CLSPN: variants seen among roughly 807,000 people sequenced by gnomAD.
The protein encoded by CLSPN is claspin homolog.
CLSPN carries 85 observed loss-of-function variants against 156.3 expected under a neutral mutation model. That is an observed-to-expected ratio of 0.54 (90% CI 0.46 to 0.65). CLSPN has a LOEUF of 0.65. Among genes scored for constraint, CLSPN ranks in the 30% least tolerant of loss-of-function variants. The pLI is 0.00. For synonymous variants in CLSPN, 534 were observed against 542.4 expected (o/e 0.98, Z 0.22); for missense variants, 1,407 against 1,554.9 (o/e 0.90, Z 1.60).
chr1:35,721,063 T>C, intron 24 of CLSPN: 3 of 945,894 alleles, frequency 3.2e-6, no homozygotes, highest in Non-Finnish European at 4.8e-6. Context: ...CCCTGTTTCC[T>C]GCATCTAAAC....
At position 35,739,448 on chromosome 1, in the gene CLSPN, T is replaced by G. The variant is rs774709431; in HGVS notation, c.3225A>C (p.Glu1075Asp). 1 of 1,614,098 alleles carries G rather than the reference T, an allele frequency of 6.2e-7. No homozygotes were observed. Among genetic ancestry groups the G allele is most frequent in the South Asian group, 1.1e-5 (1 of 91,082 alleles). Residue 1075 changes from glutamate to aspartate, a missense_variant, in exon 19 of 25, where the codon GAA becomes GAC. Around this residue, in one of 3 missense-constraint regions of CLSPN, gnomAD observed 70 missense variants for 121.5 expected, o/e 0.58. Transcript: ENST00000318121. ...TTACGTCCTCTTCATATTCATCAAT[T>G]TCTTCCCCATCATACTCATCTTCGC... is the stretch of plus-strand genomic sequence containing the variant. The part of the protein sequence containing the change: ...VGSEDEYDGE[E>D]IDEYEEDVID...
downstream of CLSPN, among the ~76,000 whole-genome samples, chr1:35,730,542 TG>T (rs1327557133): frequency 1.6e-5 from 2 of 124,474 alleles, no homozygotes; most frequent in East Asian, 4.7e-4. Flanking sequence ...CACTCCAGCC[TG>T]GGTGACAGAG....
chr1:35,733,854 G>T lies in CLSPN; in HGVS notation c.*2642C>A. On this transcript the variant is annotated 3_prime_UTR_variant, in exon 25 of 25. Transcript: ENST00000318121. ...TAGCTGGGCATGGTGGCATATGCCT[G>T]TAATGTGGCCCAGCTATTCCAAAGG... The T allele has an allele frequency of 1.9e-6, 1 of 518,320 alleles. No individual in the cohort carries two copies. Among genetic ancestry groups the T allele is most frequent in the Non-Finnish European group, 2.5e-6 (1 of 403,634 alleles). 32.1% of individuals were successfully genotyped at this position (518,320 alleles called of 1,614,324 possible).
In CLSPN at chr1:35,764,556, T is replaced by C. The variant is rs1472438674; in HGVS notation, c.292A>G (p.Thr98Ala). ...GTTTTGTAAATCCTTTTGATTTTTG[T>C]ATTTTTCCCAGCATATAAATTCTCT... ...NKENLYAGKN[T>A]KIKRIYKTVA... is the part of the protein sequence containing the mutation. The change falls in exon 3 of 25, where the codon ACA becomes GCA. Residue 98 changes from threonine to alanine, a missense_variant. By Grantham distance (58) the Thr-to-Ala change is moderately conservative. Around this residue, in one of 3 missense-constraint regions of CLSPN, gnomAD observed 1,096 missense variants for 1,193.0 expected, o/e 0.92. Transcript: ENST00000318121. 1 of 1,613,902 alleles carries C rather than the reference T, an allele frequency of 6.2e-7. No homozygotes were observed. Among genetic ancestry groups the C allele is most frequent in the Non-Finnish European group, 8.5e-7 (1 of 1,180,000 alleles).
chr1:35,769,469 G>C (rs1053804638), intron 1 of CLSPN, among the ~76,000 whole-genome samples: 4 of 152,232 alleles, frequency 2.6e-5, no homozygotes, highest in Non-Finnish European at 4.4e-5. Flanking sequence ...CACCGCTGCG[G>C]CCGGGTTCGG....
At chr1:35,755,119 A>C (rs1642227257) in intron 8 of CLSPN, among the ~76,000 whole-genome samples, 1 of 152,182 alleles carries the variant, frequency 6.6e-6, no homozygotes, top group Non-Finnish European at 1.5e-5. Context: ...TTTTAAATGG[A>C]GTCTCGCTTT....
At chr1:35,768,530 C>CCCGAGTAGCTGGGA (rs893594817) in intron 1 of CLSPN, among the ~76,000 whole-genome samples, 1 of 151,900 alleles carries the variant, frequency 6.6e-6, no homozygotes, top group Non-Finnish European at 1.5e-5. Context: ...ACCTCAGCCA[C>CCCGAGTAGCTGGGA]CCGAGTAGCT....
At chr1:35,762,171 G>T in intron 5 of CLSPN, 101 bp from the exon 6 acceptor site, 1 of 962,662 alleles carries the variant, frequency 1.0e-6, no homozygotes, top group Non-Finnish European at 1.6e-6. Flanking sequence ...AAAGAGGAAA[G>T]GAAATAGTAA....
At chr1:35,728,959 CACACA>C (rs1641254467), downstream of CLSPN, among the ~76,000 whole-genome samples, 1 of 150,752 alleles carries the variant, frequency 6.6e-6, no homozygotes, top group Non-Finnish European at 1.5e-5. Flanking sequence ...CACACACACA[CACACA>C]CACACACACA....
In CLSPN at chr1:35,734,797, C is replaced by G; in HGVS notation, c.*1699G>C. 2.0e-6 allele frequency: 2 copies of G among 985,220 alleles called. No individual in the cohort carries two copies. Among genetic ancestry groups the G allele is most frequent in the South Asian group, 9.4e-5 (2 of 21,278 alleles). 61.0% of individuals were successfully genotyped at this position (985,220 alleles called of 1,614,324 possible). ...GGTGTTCCCATCTCCCAGTAAAAAA[C>G]TGGCACACTCTCTTCCAACTGCCCA... On this transcript the variant is annotated 3_prime_UTR_variant, in exon 25 of 25. Coordinates refer to ENST00000318121, the MANE Select transcript of CLSPN (RefSeq NM_022111.4).
Position 35,762,059 on chromosome 1 carries a change from T to C in CLSPN, c.834A>G (p.Ala278=), listed in dbSNP as rs771161711. Residue 278 remains alanine, a synonymous_variant, in exon 6 of 25, where the codon GCA becomes GCG. Coordinates refer to ENST00000318121, the MANE Select transcript of CLSPN (RefSeq NM_022111.4). ...TTAATGCTTCTTTACTTAATCTGGCTGCCTTTCTTTCCTTAAAGAAAACAA... is the reference window on the plus strand; with the variant it reads ...TTAATGCTTCTTTACTTAATCTGGCCGCCTTTCTTTCCTTAAAGAAAACAA... ...SKGTTRKERK[A]ARLSKEALKQ... 1.9e-6 allele frequency: 3 copies of C among 1,611,708 alleles called. No homozygotes were observed. The highest frequency in any genetic ancestry group is 2.5e-6 in the Non-Finnish European group (3 of 1,178,046).
Position 35,733,932 on chromosome 1 carries a change from A to G in CLSPN, c.*2564T>C. On this transcript the variant is annotated 3_prime_UTR_variant, in exon 25 of 25. Transcript: ENST00000318121. ...GAGTTCAAGGGTACAGTGAGCTATG[A>G]TTGTGCCACTGCACTCTAACCTGGG... 1 of 864,186 alleles carries G rather than the reference A, an allele frequency of 1.2e-6. No individual in the cohort carries two copies. The highest frequency in any genetic ancestry group is 1.4e-6 in the Non-Finnish European group (1 of 719,428). 53.5% of individuals were successfully genotyped at this position (864,186 alleles called of 1,614,324 possible).
Position 35,737,007 on chromosome 1 carries a change from A to G in CLSPN, c.3816T>C (p.His1272=). Residue 1272 remains histidine, a synonymous_variant, in exon 24 of 25, where the codon CAT becomes CAC. Coordinates refer to ENST00000318121, the MANE Select transcript of CLSPN (RefSeq NM_022111.4). The part of the protein sequence containing the change: ...VLQKLAALSD[H]NPSAPRNSRN... ...TTGAATTTCGAGGAGCACTGGGGTTATGGTCAGAGAGAGCAGCCAGTTTCT... is the reference window on the plus strand; with the variant it reads ...TTGAATTTCGAGGAGCACTGGGGTTGTGGTCAGAGAGAGCAGCCAGTTTCT... The G allele has an allele frequency of 6.2e-7, 1 of 1,614,146 alleles. No individual in the cohort carries two copies.
intron 8 of CLSPN, among the ~76,000 whole-genome samples, chr1:35,758,187 T>TA (rs1330493702): frequency 6.6e-6 from 1 of 151,744 alleles, no homozygotes; most frequent in African/African-American, 2.4e-5. Context: ...TTTTTTTTTT[T>TA]ATGAGACAGG....
intron 16 of CLSPN, among the ~76,000 whole-genome samples, chr1:35,744,237 T>C (rs1009300507): frequency 6.6e-6 from 1 of 152,238 alleles, no homozygotes; most frequent in Non-Finnish European, 1.5e-5. Flanking sequence ...CATACAGTAT[T>C]TGTCTTTTGG....
rs754752693 is a variant in CLSPN, at chr1:35,737,018, G to A, written c.3805C>T (p.Leu1269Phe). The A allele has an allele frequency of 3.7e-6, 6 of 1,614,034 alleles. No homozygotes were observed. In the Admixed American group the frequency reaches 6.7e-5, roughly 18 times the overall value. Residue 1269 changes from leucine (L) to phenylalanine (F), a missense_variant, in exon 24 of 25, where the codon CTC becomes TTC. Transcript: ENST00000318121. ...PKAVLQKLAA[L>F]SDHNPSAPRN... is the part of the protein sequence containing the mutation. ...GGAGCACTGGGGTTATGGTCAGAGA[G>A]AGCAGCCAGTTTCTGAAGCACAGCT... is the stretch of plus-strand genomic sequence containing the variant.
chr1:35,745,628 T>C (rs1641853948), intron 15 of CLSPN, 66 bp from the exon 16 acceptor site: 1 of 1,144,760 alleles, frequency 8.7e-7, no homozygotes, highest in Non-Finnish European at 1.3e-6. Flanking sequence ...TTCCCAGCCA[T>C]CTAAAGTCAT....
intron 24 of CLSPN, among the ~76,000 whole-genome samples, chr1:35,726,175 A>AAAAAAAAAAAC (rs1641184674): frequency 4.0e-5 from 6 of 148,166 alleles, no homozygotes; most frequent in Admixed American, 1.4e-4. Flanking sequence ...AAAAAAAAAA[A>AAAAAAAAAAAC]GCGCATAGCA....
chr1:35,727,127 C>T (rs75235088), downstream of CLSPN, among the ~76,000 whole-genome samples: 1,633 of 152,304 alleles, frequency 0.011, 29 homozygotes, highest in African/African-American at 0.036. Flanking sequence ...GCCACCAGGA[C>T]TAGTGCATTC....
Sources: gnomAD v4.1 joint callset for allele counts (sites outside exome capture counted in the v4.1 genomes callset) on GRCh38, gnomAD v4.1.1 for gene constraint, gnomAD v4.1.1 regional missense constraint, MANE v1.5 for transcripts, NCBI Gene and HGNC (gene_info 2026-07-23, HGNC 2026-07-21) for gene names.